The following GABRB3 variants were observed in gnomAD, a reference collection of about 807,000 sequenced individuals.
GABRB3 encodes the protein gamma-aminobutyric acid receptor subunit beta-3.
GABRB3 carries 14 observed loss-of-function variants against 52.1 expected under a neutral mutation model. That is an observed-to-expected ratio of 0.27 (90% confidence interval 0.18 to 0.42). The LOEUF is 0.42. Ranked by LOEUF, GABRB3 falls within the 10% of genes least tolerant of loss-of-function variation. GABRB3 has a pLI of 1.00. For missense variants in GABRB3, 307 were observed against 609.1 expected (o/e 0.50, Z 5.22); for synonymous variants, 260 against 232.3 (o/e 1.12, Z -1.08).
intron 4 of GABRB3, among the ~76,000 whole-genome samples, chr15:26,594,903 C>G (rs2140766771): frequency 6.6e-6 from 1 of 152,350 alleles, no homozygotes; most frequent in Non-Finnish European, 1.5e-5. Context: ...AGCATTCTTT[C>G]TCAGTCTTTG....
At chr15:26,715,011 G>A (rs1455106403) in intron 3 of GABRB3, among the ~76,000 whole-genome samples, 2 of 152,110 alleles carry the variant, frequency 1.3e-5, no homozygotes, top group African/African-American at 2.4e-5. Context: ...AAGCCACATA[G>A]CAGTTAGGCA....
intron 4 of GABRB3, among the ~76,000 whole-genome samples, chr15:26,604,869 T>C (rs562784266): frequency 3.3e-5 from 5 of 152,120 alleles, no homozygotes; most frequent in Non-Finnish European, 5.9e-5. Context: ...AAAGAAAATA[T>C]TGAGTGACAC....
In GABRB3 at chr15:26,621,259, T is replaced by C. The variant is rs1009883261; in HGVS notation, c.461+55A>G. The stretch of plus-strand genomic sequence containing the variant: ...TACAATAATCATCTCAAGTGAGATA[T>C]TCAACACCCATGCACCATGCAACAG... On this transcript the variant is annotated intron_variant, in intron 4 of 8. Coordinates refer to ENST00000311550, the MANE Select transcript of GABRB3 (RefSeq NM_000814.6). This position sits in a 1 kb window ranked among gnomAD's most constrained non-coding sequence, Gnocchi z 4.1. 7.7e-6 allele frequency: 10 copies of C among 1,305,132 alleles called. No individual in the cohort carries two copies. The highest frequency in any genetic ancestry group is 6.7e-5 in the Admixed American group (4 of 59,624). 80.8% of individuals were successfully genotyped at this position (1,305,132 alleles called of 1,614,324 possible).
intron 4 of GABRB3, among the ~76,000 whole-genome samples, chr15:26,602,934 T>C (rs1482616934): frequency 6.6e-6 from 1 of 151,754 alleles, no homozygotes; most frequent in Non-Finnish European, 1.5e-5. Context: ...ACTAAATGAA[T>C]TTGAAATGAA....
At chr15:26,554,908 A>G (rs902452791) in intron 8 of GABRB3, among the ~76,000 whole-genome samples, 2 of 152,212 alleles carry the variant, frequency 1.3e-5, no homozygotes, top group African/African-American at 4.8e-5. Context: ...GGCTGGGCAC[A>G]GTGGCTCACG....
intron 2 of GABRB3, 43 bp from the exon 3 acceptor site, chr15:26,772,512 CG>C (rs1891178178): frequency 6.3e-7 from 1 of 1,594,188 alleles, no homozygotes; most frequent in Admixed American, 1.7e-5. Context: ...AGCTCCGGCG[CG>C]GGGCGCGGGC....
In GABRB3 at chr15:26,543,568, T is replaced by A. The variant is rs1313173825; in HGVS notation, c.*4225A>T. 1 of 152,658 alleles carries A rather than the reference T, an allele frequency of 6.6e-6. No homozygotes were observed. The highest frequency in any genetic ancestry group is 1.5e-5 in the Non-Finnish European group (1 of 68,048). The allele number at this position is 152,658 out of a possible 1,614,324, so 9.5% of individuals were successfully genotyped here. ...ACATTTAGGTCAGTTACTCCTTTTTTAATAAATTTGAATTCATTCATCAAC... is the reference window on the plus strand; with the variant it reads ...ACATTTAGGTCAGTTACTCCTTTTTAAATAAATTTGAATTCATTCATCAAC... On this transcript the variant is annotated 3_prime_UTR_variant, in exon 9 of 9. Transcript: ENST00000311550.
chr15:26,745,548 C>A (rs180941309), intron 3 of GABRB3, among the ~76,000 whole-genome samples: 61 of 152,208 alleles, frequency 4.0e-4, no homozygotes, highest in Admixed American at 1.0e-3. Flanking sequence ...GCGTAGATTC[C>A]CTGCAGCCTC....
At chr15:26,768,295 GA>G (rs1891051715) in intron 3 of GABRB3, among the ~76,000 whole-genome samples, 1 of 152,078 alleles carries the variant, frequency 6.6e-6, no homozygotes, top group Non-Finnish European at 1.5e-5. Flanking sequence ...TAAATCACAG[GA>G]ATTATCATTA....
chr15:26,665,347 A>C (rs1188745706), intron 3 of GABRB3, among the ~76,000 whole-genome samples: 1 of 152,252 alleles, frequency 6.6e-6, no homozygotes, highest in Admixed American at 6.5e-5. Context: ...ACTCTCATTT[A>C]ACAAATGCAA....
At chr15:26,582,525 C>T (rs964845772) in intron 5 of GABRB3, among the ~76,000 whole-genome samples, 7 of 152,120 alleles carry the variant, frequency 4.6e-5, no homozygotes, top group African/African-American at 1.7e-4. Flanking sequence ...TCAGAAAACA[C>T]GACAGTGATG....
chr15:26,741,922 A>G (rs941244174), intron 3 of GABRB3, among the ~76,000 whole-genome samples: 1 of 152,158 alleles, frequency 6.6e-6, no homozygotes, highest in African/African-American at 2.4e-5. Flanking sequence ...TGCTAATTTA[A>G]CCAGCCTTTC....
chr15:26,742,005 G>A (rs895889093), intron 3 of GABRB3, among the ~76,000 whole-genome samples: 2 of 152,082 alleles, frequency 1.3e-5, no homozygotes, highest in African/African-American at 4.8e-5. Context: ...ATTTTCGGAG[G>A]AAAATCCTCA....
intron 5 of GABRB3, 123 bp from the exon 6 acceptor site, chr15:26,580,579 G>T: frequency 1.6e-6 from 2 of 1,214,632 alleles, no homozygotes; most frequent in South Asian, 1.2e-5. Flanking sequence ...TGCTTAATGT[G>T]CTTGTCTAGG....
At chr15:26,634,323 G>A (rs1294680278) in intron 3 of GABRB3, among the ~76,000 whole-genome samples, 3 of 152,086 alleles carry the variant, frequency 2.0e-5, no homozygotes, top group Non-Finnish European at 4.4e-5. Context: ...TGCCTCAAAT[G>A]TGTTCACCCA....
At chr15:26,729,761 T>C (rs530237461) in intron 3 of GABRB3, among the ~76,000 whole-genome samples, 2 of 152,210 alleles carry the variant, frequency 1.3e-5, no homozygotes, top group East Asian at 3.9e-4. Context: ...CATGCTCAGA[T>C]TCCACCCAAG....
chr15:26,610,556 T>C (rs1892030398), intron 4 of GABRB3, among the ~76,000 whole-genome samples: 1 of 152,174 alleles, frequency 6.6e-6, no homozygotes, highest in Non-Finnish European at 1.5e-5. Flanking sequence ...GACCCCAGTA[T>C]TCTTTAGAAT....
In GABRB3 at chr15:26,609,946, C is replaced by T. The variant is rs76720842; in HGVS notation, c.461+11368G>A. ...AATTGACCCTCCCCATCTTCAAACT[C>T]GAAAAACTTACATTTGTCTTACTTG... On this transcript the variant is annotated intron_variant, in intron 4 of 8. Transcript: ENST00000311550. Among the ~76,000 whole-genome samples the T allele has an allele frequency of 3.7e-4, 57 of 152,260 alleles. No individual in the cohort carries two copies. In the East Asian group the frequency reaches 8.9e-3, roughly 24 times the overall value.
chr15:26,595,718 G>A (rs1357911293), intron 4 of GABRB3, among the ~76,000 whole-genome samples: 2 of 152,212 alleles, frequency 1.3e-5, no homozygotes, highest in Non-Finnish European at 2.9e-5. Flanking sequence ...CCTGTTCCAG[G>A]AATGCCTCTA....
Sources: allele counts gnomAD v4.1 joint callset (sites outside exome capture counted in the v4.1 genomes callset), GRCh38; gene constraint gnomAD v4.1.1; non-coding constraint Gnocchi (gnomAD v3.1); transcripts MANE v1.5; gene names NCBI Gene and HGNC (gene_info 2026-07-23, HGNC 2026-07-21).